TBC1D5: variants seen among roughly 807,000 people sequenced by gnomAD.
The protein encoded by TBC1D5 is TBC1 domain family, member 5.
A neutral mutation model predicts 100.3 loss-of-function variants in TBC1D5; 75 were observed. The observed-to-expected ratio is 0.75, with a 90% CI of 0.62 to 0.91. The LOEUF (loss-of-function observed/expected upper bound fraction) is 0.91, where lower values mean the gene tolerates loss of function less well. Among genes scored for constraint, TBC1D5 ranks in the 40% least tolerant of loss-of-function variants. TBC1D5 has a pLI of 0.00. For synonymous variants in TBC1D5, 323 were observed against 325.6 expected, an observed-to-expected ratio of 0.99 and a Z score of 0.09; for missense variants, 910 against 942.4, an observed-to-expected ratio of 0.97 and a Z score of 0.45.
intron 8 of TBC1D5, among the ~76,000 whole-genome samples, chr3:17,390,177 T>C (rs1215810492): frequency 2.6e-5 from 4 of 152,042 alleles, no homozygotes; most frequent in Non-Finnish European, 1.5e-5. Context: ...GACTGCAGTG[T>C]GTGGAAGTGA....
chr3:17,399,784 G>A lies in TBC1D5; in HGVS notation c.509+3397C>T, dbSNP rs116239957. Among the ~76,000 whole-genome samples the A allele has an allele frequency of 4.5e-3, 691 of 152,192 alleles. 2 individuals carry two copies. The highest frequency in any genetic ancestry group is 0.015 in the African/African-American group (639 of 41,540). The stretch of plus-strand genomic sequence containing the variant: ...CTAAAGCACTTGCTCTAGCCGAACT[G>A]ACTTCTTTTTGCTCCTCTAAACACT... On this transcript the variant is annotated intron_variant, in intron 8 of 21. Transcript: ENST00000253692.
At chr3:17,724,242 G>A (rs977446334) in intron 1 of TBC1D5, among the ~76,000 whole-genome samples, 1 of 151,936 alleles carries the variant, frequency 6.6e-6, no homozygotes, top group Non-Finnish European at 1.5e-5. Flanking sequence ...ACCAGCACAC[G>A]CCACCATGCT....
At chr3:17,543,885 T>C (rs1308155112) in intron 2 of TBC1D5, among the ~76,000 whole-genome samples, 2 of 151,838 alleles carry the variant, frequency 1.3e-5, no homozygotes, top group Admixed American at 1.3e-4. Flanking sequence ...TTCTTTTTTT[T>C]TGAGACAGAG....
chr3:17,675,615 G>A (rs2068528869), intron 1 of TBC1D5, among the ~76,000 whole-genome samples: 1 of 152,030 alleles, frequency 6.6e-6, no homozygotes, highest in East Asian at 1.9e-4. Flanking sequence ...TTAAATTAAA[G>A]CAATTATATT....
At chr3:17,384,284 G>A (rs1575623269) in intron 8 of TBC1D5, among the ~76,000 whole-genome samples, 1 of 152,126 alleles carries the variant, frequency 6.6e-6, no homozygotes, top group East Asian at 1.9e-4. Context: ...GAATATGATA[G>A]CTTTTGAATC....
intron 4 of TBC1D5, among the ~76,000 whole-genome samples, chr3:17,412,416 C>A (rs1162421848): frequency 6.6e-6 from 1 of 152,046 alleles, no homozygotes; most frequent in Non-Finnish European, 1.5e-5. Flanking sequence ...AGAGGGTAAA[C>A]TGCTGAAAGG....
At chr3:17,182,878 TA>T (rs2068604515) in intron 19 of TBC1D5, among the ~76,000 whole-genome samples, 2 of 152,154 alleles carry the variant, frequency 1.3e-5, no homozygotes, top group Admixed American at 1.3e-4. Context: ...TGTTTTTTTT[TA>T]AATTATTATT....
intron 13 of TBC1D5, among the ~76,000 whole-genome samples, chr3:17,318,323 C>T (rs1284930439): frequency 2.6e-5 from 4 of 151,796 alleles, no homozygotes; most frequent in Non-Finnish European, 4.4e-5. Flanking sequence ...CACATGTATA[C>T]ATATGTAACA....
chr3:17,701,388 A>T (rs2073177356), intron 1 of TBC1D5, among the ~76,000 whole-genome samples: 1 of 152,164 alleles, frequency 6.6e-6, no homozygotes, highest in African/African-American at 2.4e-5. Context: ...TGACGAGCTG[A>T]TGGGTGCAGC....
chr3:17,674,409 TCA>T (rs934098039), intron 1 of TBC1D5, among the ~76,000 whole-genome samples: 1 of 152,196 alleles, frequency 6.6e-6, no homozygotes, highest in African/African-American at 2.4e-5. Flanking sequence ...AAATATTCTC[TCA>T]AAGTAGCAAC....
intron 2 of TBC1D5, among the ~76,000 whole-genome samples, chr3:17,580,500 C>A (rs1466341246): frequency 6.6e-6 from 1 of 152,134 alleles, no homozygotes; most frequent in Non-Finnish European, 1.5e-5. Flanking sequence ...GCTCCGCCTT[C>A]CTTCTTATTA....
chr3:17,402,640 T>A (rs2093676598), intron 8 of TBC1D5, among the ~76,000 whole-genome samples: 1 of 152,166 alleles, frequency 6.6e-6, no homozygotes, highest in Non-Finnish European at 1.5e-5. Flanking sequence ...CCTCACCCTA[T>A]GACTCAGTCG....
intron 2 of TBC1D5, among the ~76,000 whole-genome samples, chr3:17,530,149 A>G (rs1259800830): frequency 6.6e-6 from 1 of 151,708 alleles, no homozygotes. Context: ...GAGGCTAAGG[A>G]AGGAGAATCA....
At chr3:17,173,153 AG>A (rs2067335966) in intron 19 of TBC1D5, among the ~76,000 whole-genome samples, 2 of 152,234 alleles carry the variant, frequency 1.3e-5, no homozygotes. Context: ...AACATATTAC[AG>A]AAAAAGAAGC....
chr3:17,568,410 A>C (rs1347822437), intron 2 of TBC1D5, among the ~76,000 whole-genome samples: 2 of 151,508 alleles, frequency 1.3e-5, no homozygotes, highest in Admixed American at 1.3e-4. Flanking sequence ...TTGTTTATAT[A>C]TTAAATATTA....
intron 2 of TBC1D5, among the ~76,000 whole-genome samples, chr3:17,562,885 T>C (rs545308123): frequency 3.9e-5 from 6 of 152,326 alleles, no homozygotes; most frequent in Admixed American, 2.6e-4. Flanking sequence ...TCTATGTAGA[T>C]TGTCTGAGAA....
chr3:17,183,326 C>T (rs1275158720), intron 19 of TBC1D5, among the ~76,000 whole-genome samples: 5 of 152,198 alleles, frequency 3.3e-5, no homozygotes, highest in African/African-American at 1.2e-4. Context: ...GGGCAGAAGT[C>T]TGTACTTCTT....
intron 1 of TBC1D5, among the ~76,000 whole-genome samples, chr3:17,714,698 G>A (rs537338612): frequency 6.6e-6 from 1 of 152,336 alleles, no homozygotes; most frequent in Non-Finnish European, 1.5e-5. Context: ...GTCAGGCATG[G>A]TGGCATGTGC....
At chr3:17,400,102 A>G (rs946978927) in intron 8 of TBC1D5, among the ~76,000 whole-genome samples, 3 of 151,994 alleles carry the variant, frequency 2.0e-5, no homozygotes, top group African/African-American at 7.2e-5. Flanking sequence ...CCGACACCAC[A>G]CTAAAATATA....
Sources: allele counts gnomAD v4.1 joint callset (sites outside exome capture counted in the v4.1 genomes callset), GRCh38; gene constraint gnomAD v4.1.1; transcripts MANE v1.5; gene names NCBI Gene and HGNC (gene_info 2026-07-23, HGNC 2026-07-21).